EYS: variants seen among roughly 807,000 people sequenced by gnomAD.
The protein encoded by EYS is EGF-like photoreceptor maintenance factor.
EYS carries 250 observed loss-of-function variants against 282.1 expected under a neutral mutation model. That is an observed-to-expected ratio of 0.89 (90% CI 0.80 to 0.98). The LOEUF (loss-of-function observed/expected upper bound fraction) is 0.98, where lower values mean the gene tolerates loss of function less well. Among genes scored for constraint, EYS ranks in the 50% least tolerant of loss-of-function variants. The probability of loss-of-function intolerance (pLI) is 0.00; values close to 1 mark genes in which losing one functional copy is unlikely to be tolerated. For missense variants in EYS, 4,016 were observed against 3,709.0 expected (o/e 1.08, Z -2.15); for synonymous variants, 1,355 against 1,282.9 (o/e 1.06, Z -1.20).
intron 40 of EYS, among the ~76,000 whole-genome samples, chr6:63,774,794 T>C (rs1289437411): frequency 6.6e-6 from 1 of 151,706 alleles, no homozygotes; most frequent in Non-Finnish European, 1.5e-5. Context: ...CCTATTAAGC[T>C]AGACATGGTG....
intron 36 of EYS, among the ~76,000 whole-genome samples, chr6:63,838,235 CTG>C (rs1771859183): frequency 7.0e-6 from 1 of 142,376 alleles, no homozygotes; most frequent in Non-Finnish European, 1.5e-5. Context: ...TTTTTTTTTT[CTG>C]TCTTTTAGCC....
chr6:63,888,196 C>T (rs1334022127), intron 35 of EYS, among the ~76,000 whole-genome samples: 2 of 152,216 alleles, frequency 1.3e-5, no homozygotes, highest in African/African-American at 2.4e-5. Flanking sequence ...GGGGAAGGGG[C>T]AGCTGTGGGC....
chr6:65,009,953 G>A (rs1006578990), intron 13 of EYS, among the ~76,000 whole-genome samples: 2 of 152,134 alleles, frequency 1.3e-5, no homozygotes, highest in Non-Finnish European at 2.9e-5. Context: ...TCCTAGGTAT[G>A]GCAAAATAGC....
At chr6:64,153,978 C>A (rs1373297110) in intron 31 of EYS, among the ~76,000 whole-genome samples, 1 of 152,072 alleles carries the variant, frequency 6.6e-6, no homozygotes, top group Non-Finnish European at 1.5e-5. Flanking sequence ...CTAAGAAAAG[C>A]AGATTATCCA....
At chr6:63,937,340 CT>C (rs1457486534) in intron 35 of EYS, among the ~76,000 whole-genome samples, 5 of 46,090 alleles carry the variant, frequency 1.1e-4, no homozygotes, top group Admixed American at 2.9e-4. Flanking sequence ...AGGCTTCTCT[CT>C]TTTCTTTTTT....
intron 26 of EYS, among the ~76,000 whole-genome samples, chr6:64,515,702 A>T (rs1196283725): frequency 6.6e-6 from 1 of 151,656 alleles, no homozygotes; most frequent in East Asian, 1.9e-4. Context: ...GGCAATGCTG[A>T]TAATGTTAAT....
intron 26 of EYS, among the ~76,000 whole-genome samples, chr6:64,462,068 G>T (rs906032901): frequency 6.6e-6 from 1 of 152,050 alleles, no homozygotes; most frequent in Non-Finnish European, 1.5e-5. Flanking sequence ...TGTATAAAAT[G>T]CTTTAAAATG....
intron 22 of EYS, among the ~76,000 whole-genome samples, chr6:64,703,580 G>A (rs1260486258): frequency 6.6e-6 from 1 of 151,028 alleles, no homozygotes; most frequent in African/African-American, 2.4e-5. Context: ...CTACAGGTGT[G>A]CACCACCATG....
chr6:65,117,932 G>A (rs1775425912), intron 12 of EYS, among the ~76,000 whole-genome samples: 1 of 152,106 alleles, frequency 6.6e-6, no homozygotes, highest in Non-Finnish European at 1.5e-5. Context: ...TCTAGAGGCA[G>A]AAGGAGGCAA....
Position 64,423,584 on chromosome 6 carries a change from C to T in EYS, c.5927+12590G>A, listed in dbSNP as rs114388995. Among the ~76,000 whole-genome samples the T allele has an allele frequency of 1.4e-3, 218 of 152,214 alleles. 1 individual carries two copies. The highest frequency in any genetic ancestry group is 5.0e-3 in the African/African-American group (208 of 41,542). ...AAACCAAATTCTTGGCCAAAGCAGG[C>T]GGATCACAAGGTCAAGAGTTCCAGA... On this transcript the variant is annotated intron_variant, in intron 28 of 42. Transcript: ENST00000503581.
intron 30 of EYS, among the ~76,000 whole-genome samples, chr6:64,238,425 G>T (rs1245567993): frequency 3.9e-5 from 6 of 152,128 alleles, no homozygotes; most frequent in African/African-American, 1.4e-4. Flanking sequence ...AGGCATACAA[G>T]TGGTTTTTGG....
At chr6:64,236,861 G>A (rs548352739) in intron 30 of EYS, among the ~76,000 whole-genome samples, 1 of 151,466 alleles carries the variant, frequency 6.6e-6, no homozygotes, top group African/African-American at 2.4e-5. Flanking sequence ...GATACCTAAT[G>A]TAAATGACGA....
intron 5 of EYS, among the ~76,000 whole-genome samples, chr6:65,450,433 T>G (rs552306486): frequency 6.6e-6 from 1 of 152,258 alleles, no homozygotes; most frequent in African/African-American, 2.4e-5. Context: ...AATCAGATGT[T>G]GAGACAGAGT....
chr6:64,416,895 A>C (rs1774074581), intron 28 of EYS, among the ~76,000 whole-genome samples: 1 of 152,146 alleles, frequency 6.6e-6, no homozygotes, highest in African/African-American at 2.4e-5. Context: ...GTGATACTAA[A>C]TGGTTTCACC....
chr6:63,733,029 G>A (rs1288243070), intron 41 of EYS, among the ~76,000 whole-genome samples: 5 of 152,170 alleles, frequency 3.3e-5, no homozygotes, highest in Non-Finnish European at 7.4e-5. Flanking sequence ...CCTCAAGGAG[G>A]TAAAGAATTG....
chr6:64,138,205 G>A (rs1324320268), intron 31 of EYS, among the ~76,000 whole-genome samples: 1 of 152,166 alleles, frequency 6.6e-6, no homozygotes. Flanking sequence ...AGTCGTAGAC[G>A]AGGAAGGGTT....
At chr6:65,170,781 G>A (rs1765086953) in intron 12 of EYS, among the ~76,000 whole-genome samples, 1 of 151,424 alleles carries the variant, frequency 6.6e-6, no homozygotes, top group South Asian at 2.1e-4. Context: ...AGAAATCAAT[G>A]ACATCTAAGA....
At chr6:64,995,075 C>G (rs183936869) in intron 14 of EYS, among the ~76,000 whole-genome samples, 3 of 152,136 alleles carry the variant, frequency 2.0e-5, no homozygotes, top group Admixed American at 2.0e-4. Context: ...TTTTTGTATG[C>G]CTAGGGCTTT....
intron 26 of EYS, among the ~76,000 whole-genome samples, chr6:64,530,743 T>A (rs1764302763): frequency 6.6e-6 from 1 of 152,218 alleles, no homozygotes; most frequent in East Asian, 1.9e-4. Flanking sequence ...AAACATCTCC[T>A]GGCTAGGGAG....
Sources: allele counts gnomAD v4.1 joint callset (sites outside exome capture counted in the v4.1 genomes callset), GRCh38; gene constraint gnomAD v4.1.1; transcripts MANE v1.5; gene names NCBI Gene and HGNC (gene_info 2026-07-23, HGNC 2026-07-21).